Variants in TNKS1BP1 observed in about 807,000 individuals in gnomAD.
TNKS1BP1 encodes CCR4-NOT transcription complex subunit 12.
A neutral mutation model predicts 141.1 loss-of-function variants in TNKS1BP1; 48 were observed. The observed-to-expected ratio is 0.34, with a 90% CI of 0.27 to 0.43. The LOEUF (loss-of-function observed/expected upper bound fraction) is 0.43. Among genes scored for constraint, TNKS1BP1 ranks in the 20% least tolerant of loss-of-function variants. TNKS1BP1 has a pLI of 1.00. For missense variants in TNKS1BP1, 2,149 were observed against 2,226.0 expected (o/e 0.97, Z 0.70); for synonymous variants, 875 against 898.2 (o/e 0.97, Z 0.46).
At chr11:57,307,372 G>C (rs1185490094) in intron 6 of TNKS1BP1, among the ~76,000 whole-genome samples, 1 of 152,036 alleles carries the variant, frequency 6.6e-6, no homozygotes, top group Non-Finnish European at 1.5e-5. Context: ...TCACCACCCC[G>C]TCAACAGCCT....
rs762036340 is a variant in TNKS1BP1, at chr11:57,302,888, T to C, written c.4317-63A>G. The C allele has an allele frequency of 9.0e-6, 13 of 1,436,628 alleles. No homozygotes were observed. The East Asian group carries it at 3.1e-4, about 34-fold the overall frequency. 89.0% of individuals were successfully genotyped at this position (1,436,628 alleles called of 1,614,324 possible). ...GGCCCCATCTCCCTGCCCTGAAGCC[T>C]ACTTCACAAGCTCCTTCCCCCAGCC... On this transcript the variant is annotated intron_variant, in intron 6 of 11. Transcript: ENST00000358252. This position sits in a 1 kb window ranked among gnomAD's most constrained non-coding sequence, Gnocchi z 5.5.
At position 57,302,662 on chromosome 11, in the gene TNKS1BP1, C is replaced by T; in HGVS notation, c.4480G>A (p.Glu1494Lys). 8 of 1,609,516 alleles carry T rather than the reference C, an allele frequency of 5.0e-6. No individual in the cohort carries two copies. Among genetic ancestry groups the T allele is most frequent in the Non-Finnish European group, 6.8e-6 (8 of 1,178,942 alleles). Residue 1494 changes from glutamate (E) to lysine (K), a missense_variant, in exon 7 of 12, where the codon GAG (glutamate) becomes AAG (lysine). Glu to Lys is a moderately conservative substitution (Grantham distance 56). Coordinates refer to ENST00000358252, the MANE Select transcript of TNKS1BP1 (RefSeq NM_033396.3). The surrounding 1 kb of genome is among the most constrained non-coding windows in gnomAD (Gnocchi z 5.5). ...TCCCTGCCAGGCTCCAGCACCTCCT[C>T]TTGGGCAGCACCTGCCCCGGCTCCT... is the stretch of plus-strand genomic sequence containing the variant. Reference protein sequence around the residue: ...EEGAGAGAAQEEVLEPGRDSP... With the variant: ...EEGAGAGAAQKEVLEPGRDSP...
intron 3 of TNKS1BP1, 59 bp downstream of exon 3, chr11:57,320,020 C>CCCCCAA: frequency 8.2e-7 from 1 of 1,213,902 alleles, no homozygotes; most frequent in Non-Finnish European, 1.2e-6. Flanking sequence ...AGCCCCCACC[C>CCCCCAA]AATCCCACCC....
At position 57,302,146 on chromosome 11, in the gene TNKS1BP1, T is replaced by C; in HGVS notation, c.4762A>G (p.Ile1588Val). Residue 1588 changes from isoleucine to valine, a missense_variant, in exon 8 of 12, where the codon ATT (isoleucine) becomes GTT (valine). Coordinates refer to ENST00000358252, the MANE Select transcript of TNKS1BP1 (RefSeq NM_033396.3). This position sits in a 1 kb window ranked among gnomAD's most constrained non-coding sequence, Gnocchi z 5.5. ...AGGCCCAAGGTACCCCCAGGCCGAA[T>C]GACCGGGGCCCGGTGCCCACGCTTG... is the stretch of plus-strand genomic sequence containing the variant. ...GRKRGHRAPVIRPGGTLGLSE... is the reference protein window; with the variant it reads ...GRKRGHRAPVVRPGGTLGLSE... 1 of 1,613,780 alleles carries C rather than the reference T, an allele frequency of 6.2e-7. No individual in the cohort carries two copies. Among genetic ancestry groups the C allele is most frequent in the Non-Finnish European group, 8.5e-7 (1 of 1,179,984 alleles).
intron 1 of TNKS1BP1, 114 bp from the exon 2 acceptor site, chr11:57,322,064 C>A: frequency 5.2e-6 from 3 of 573,616 alleles, no homozygotes; most frequent in African/African-American, 4.1e-5. Context: ...GAAGAGAGAA[C>A]TTGGAGTGGG....
In TNKS1BP1 at chr11:57,313,038, C is replaced by T; in HGVS notation, c.1650G>A (p.Met550Ile). 3 of 1,613,906 alleles carry T rather than the reference C, an allele frequency of 1.9e-6. No individual in the cohort carries two copies. The highest frequency in any genetic ancestry group is 2.5e-6 in the Non-Finnish European group (3 of 1,180,024). Residue 550 changes from methionine (M) to isoleucine (I), a missense_variant, in exon 5 of 12, where the codon ATG (methionine) becomes ATA (isoleucine). Physicochemically the swap from Met to Ile is conservative, Grantham distance 10 (BLOSUM62 1). Transcript: ENST00000358252. ...SSWVQGDDPS[M>I]SLTQKGDGES... ...CCCCATCGCCCTTCTGGGTGAGGGA[C>T]ATGCTTGGATCATCCCCCTGCACCC...
chr11:57,324,211 G>A (rs1221399203), intron 1 of TNKS1BP1, among the ~76,000 whole-genome samples: 1 of 152,236 alleles, frequency 6.6e-6, no homozygotes, highest in African/African-American at 2.4e-5. Flanking sequence ...CGAGGCTAGA[G>A]AGGTCGGCAG....
At position 57,313,916 on chromosome 11, in the gene TNKS1BP1, C is replaced by T. The variant is rs372879427; in HGVS notation, c.799-27G>A. Reference sequence around the variant, plus strand: ...TGCAAGAGAAAGAAAGGTCAAGATCCGTCACTCACCTCTCAGCGGGGCGGG... The same window carrying T: ...TGCAAGAGAAAGAAAGGTCAAGATCTGTCACTCACCTCTCAGCGGGGCGGG... On this transcript the variant is annotated intron_variant, in intron 4 of 11. Transcript: ENST00000358252. The T allele has an allele frequency of 1.9e-5, 28 of 1,472,850 alleles. 1 individual carries two copies. The African/African-American group carries it at 2.1e-4, about 11-fold the overall frequency. 91.2% of individuals were successfully genotyped at this position (1,472,850 alleles called of 1,614,324 possible). A position where few individuals can be genotyped will look rare whatever the true frequency, so the allele number is the denominator to read the frequency against.
At chr11:57,319,633 G>A (rs1411106033) in intron 3 of TNKS1BP1, among the ~76,000 whole-genome samples, 3 of 152,176 alleles carry the variant, frequency 2.0e-5, no homozygotes, top group Admixed American at 6.5e-5. Flanking sequence ...TGGGCGTGGT[G>A]GCCCACGCCT....
chr11:57,308,618 G>A lies in TNKS1BP1; in HGVS notation c.4093C>T (p.His1365Tyr). The A allele has an allele frequency of 6.2e-7, 1 of 1,613,106 alleles. No individual in the cohort carries two copies. Among genetic ancestry groups the A allele is most frequent in the Non-Finnish European group, 8.5e-7 (1 of 1,179,562 alleles). The change falls in exon 6 of 12, where the codon CAT (histidine) becomes TAT (tyrosine). Residue 1365 changes from histidine to tyrosine, a missense_variant. Transcript: ENST00000358252. ...LFGAPSEARE[H>Y]GVGGVSQCPE... is the part of the protein sequence containing the mutation. ...CACTGGCTCACCCCGCCCACCCCAT[G>A]CTCCCTGGCTTCACTTGGAGCCCCA...
rs1855648129 is a variant in TNKS1BP1 at position 57,308,509 on chromosome 11, A to AC, written c.4201dup (p.Val1401GlyfsTer3). 1 of 1,613,314 alleles carries AC rather than the reference A, an allele frequency of 6.2e-7. No individual in the cohort carries two copies. The highest frequency in any genetic ancestry group is 8.5e-7 in the Non-Finnish European group (1 of 1,179,856). ...GGTCTCTGGCCCACTTGTCTCACCAACCCCCAGCTCCCTGGCCTCCAAGGG... is the reference window on the plus strand; with the variant it reads ...GGTCTCTGGCCCACTTGTCTCACCAACCCCCCAGCTCCCTGGCCTCCAAGGG... On this transcript the variant is annotated frameshift_variant, in exon 6 of 12. Transcript: ENST00000358252. LOFTEE classifies it high-confidence loss of function.
chr11:57,324,738 AC>A, intron 1 of TNKS1BP1, 101 bp downstream of exon 1: 1 of 967,778 alleles, frequency 1.0e-6, no homozygotes, highest in South Asian at 4.7e-5. Context: ...CACCACCTCA[AC>A]CCGAGGTGTC....
In TNKS1BP1 at chr11:57,313,246, G is replaced by C; in HGVS notation, c.1442C>G (p.Pro481Arg). ...SLSQSFEWTFPTRPSGLGVWR... is the reference protein window; with the variant it reads ...SLSQSFEWTFRTRPSGLGVWR... ...CACGCCCAGACCCGAGGGCCTCGTGGGGAAGGTCCATTCGAAGGACTGTGA... is the reference window on the plus strand; with the variant it reads ...CACGCCCAGACCCGAGGGCCTCGTGCGGAAGGTCCATTCGAAGGACTGTGA... The change falls in exon 5 of 12, where the codon CCC becomes CGC. Residue 481 changes from proline (P) to arginine (R), a missense_variant. Transcript: ENST00000358252. 1.9e-6 allele frequency: 3 copies of C among 1,612,906 alleles called. No homozygotes were observed. Among genetic ancestry groups the C allele is most frequent in the Non-Finnish European group, 2.5e-6 (3 of 1,180,004 alleles).
At chr11:57,321,743 T>TGGGGGC in intron 2 of TNKS1BP1, 49 bp downstream of exon 2, 6 of 1,186,774 alleles carry the variant, frequency 5.1e-6, no homozygotes, top group Non-Finnish European at 7.5e-6. Context: ...GCCTCTGTCC[T>TGGGGGC]TCCCACCCCC....
At chr11:57,300,242 G>A (rs926948014) in intron 11 of TNKS1BP1, among the ~76,000 whole-genome samples, 161 bp from the exon 12 acceptor site, 15 of 152,176 alleles carry the variant, frequency 9.9e-5, no homozygotes, top group Admixed American at 7.2e-4. Flanking sequence ...ACCACTCTCC[G>A]TCCAGCCAGG....
chr11:57,318,417 C>G (rs564727585), intron 3 of TNKS1BP1, among the ~76,000 whole-genome samples: 1 of 152,262 alleles, frequency 6.6e-6, no homozygotes, highest in East Asian at 1.9e-4. Flanking sequence ...CTCACAGCAC[C>G]CTGGTCTGGG....
intron 6 of TNKS1BP1, among the ~76,000 whole-genome samples, chr11:57,305,468 G>A (rs1326495161): frequency 2.0e-5 from 3 of 152,126 alleles, no homozygotes; most frequent in Non-Finnish European, 2.9e-5. Context: ...GGACCAAGAC[G>A]GTATCCCACC....
chr11:57,322,808 C>A (rs1855908674), intron 1 of TNKS1BP1, among the ~76,000 whole-genome samples: 1 of 152,176 alleles, frequency 6.6e-6, no homozygotes, highest in Non-Finnish European at 1.5e-5. Flanking sequence ...CCACGACAGT[C>A]AGGGTGGAGC....
rs914810893 is a variant in TNKS1BP1, at chr11:57,302,386, G to A, written c.4683+73C>T. On this transcript the variant is annotated intron_variant, in intron 7 of 11. Coordinates refer to ENST00000358252, the MANE Select transcript of TNKS1BP1 (RefSeq NM_033396.3). The surrounding 1 kb of genome is among the most constrained non-coding windows in gnomAD (Gnocchi z 5.5). Reference sequence around the variant, plus strand: ...TGCCTCCTGGACTGGGACTGCTCAGGGAAGCTCCAGGAATGGGGCTCTCGC... The same window carrying A: ...TGCCTCCTGGACTGGGACTGCTCAGAGAAGCTCCAGGAATGGGGCTCTCGC... The A allele has an allele frequency of 1.3e-6, 2 of 1,544,042 alleles. No individual in the cohort carries two copies. The highest frequency in any genetic ancestry group is 1.8e-5 in the Admixed American group (1 of 55,482).
Sources: gnomAD v4.1 joint callset for allele counts (sites outside exome capture counted in the v4.1 genomes callset) on GRCh38, gnomAD v4.1.1 for gene constraint, Gnocchi (gnomAD v3.1) non-coding constraint, MANE v1.5 for transcripts, NCBI Gene and HGNC (gene_info 2026-07-23, HGNC 2026-07-21) for gene names.